MYH3: variants seen among roughly 807,000 people sequenced by gnomAD.
MYH3 encodes myosin heavy chain 3.
MYH3 carries 130 observed loss-of-function variants against 238.0 expected under a neutral mutation model. That is an observed-to-expected ratio of 0.55 (90% confidence interval 0.47 to 0.63). The LOEUF is 0.63. Ranked by LOEUF, MYH3 falls within the 30% of genes least tolerant of loss-of-function variation. The pLI is 0.00. For missense variants in MYH3, 1,853 were observed against 2,374.9 expected (o/e 0.78, Z 4.57); for synonymous variants, 880 against 924.1 (o/e 0.95, Z 0.86).
intron 40 of MYH3, 58 bp from the exon 41 acceptor site, chr17:10,628,737 A>G (rs2074118682): frequency 3.8e-6 from 6 of 1,578,666 alleles, no homozygotes; most frequent in African/African-American, 1.3e-5. Context: ...ATTCCCACCC[A>G]CCACTTCTGC....
the MYH3 span, among the ~76,000 whole-genome samples, chr17:10,663,834 A>G: frequency 9.9e-5 from 15 of 152,106 alleles, no homozygotes; most frequent in Admixed American, 2.6e-4. Context: ...AGGCCGAGAC[A>G]GGTGGATCAC....
chr17:10,648,425 T>C (rs1243073747), intron 8 of MYH3, 132 bp downstream of exon 8: 2 of 809,802 alleles, frequency 2.5e-6, no homozygotes, highest in Non-Finnish European at 4.4e-6. Context: ...TATCTTTATC[T>C]GAAATGGTCT....
At position 10,632,404 on chromosome 17, in the gene MYH3, C is replaced by T. The variant is rs2074171587; in HGVS notation, c.4956+72G>A. Reference sequence around the variant, plus strand: ...AGAGCGCTGGGACTACAGGCGTGCACCACTGTGCCCAGCCTACATTTCTGA... The same window carrying T: ...AGAGCGCTGGGACTACAGGCGTGCATCACTGTGCCCAGCCTACATTTCTGA... On this transcript the variant is annotated intron_variant, in intron 34 of 40. Transcript: ENST00000583535. The T allele has an allele frequency of 8.5e-6, 13 of 1,537,966 alleles. No homozygotes were observed. In the South Asian group the frequency reaches 1.5e-4, roughly 17 times the overall value.
At chr17:10,668,535 AG>A in the MYH3 span, among the ~76,000 whole-genome samples, 1 of 152,222 alleles carries the variant, frequency 6.6e-6, no homozygotes, top group East Asian at 1.9e-4. Context: ...AAAAAAGGAA[AG>A]GAAAAAAAGA....
chr17:10,650,410 G>A lies in MYH3; in HGVS notation c.506-9C>T. ...GGACTGGTTTTCACGATCTGCCAGA[G>A]GAAAAAATAAAATAGAGTTGATGGC... is the stretch of plus-strand genomic sequence containing the variant. On this transcript the variant is annotated splice_polypyrimidine_tract_variant and intron_variant, in intron 5 of 40. Transcript: ENST00000583535. 1.2e-6 allele frequency: 2 copies of A among 1,611,148 alleles called. No individual in the cohort carries two copies. The highest frequency in any genetic ancestry group is 1.1e-5 in the South Asian group (1 of 91,012).
rs747246768 is a variant in MYH3 at position 10,642,338 on chromosome 17, T to C, written c.1889-28A>G. 3.7e-6 allele frequency: 6 copies of C among 1,613,948 alleles called. No homozygotes were observed. The Admixed American group carries it at 6.7e-5, about 18-fold the overall frequency. ...GAAAGCAATAAGGGAGGGCACGTGCTGTAGGTGAATCTAAAAGGTTTTTTG... is the reference window on the plus strand; with the variant it reads ...GAAAGCAATAAGGGAGGGCACGTGCCGTAGGTGAATCTAAAAGGTTTTTTG... On this transcript the variant is annotated intron_variant, in intron 16 of 40. Coordinates refer to ENST00000583535, the MANE Select transcript of MYH3 (RefSeq NM_002470.4). The surrounding 1 kb of genome is among the most constrained non-coding windows in gnomAD (Gnocchi z 5.4).
the MYH3 span, among the ~76,000 whole-genome samples, chr17:10,662,527 T>G: frequency 1.3e-5 from 2 of 152,166 alleles, no homozygotes; most frequent in Non-Finnish European, 2.9e-5. Context: ...CCCTTAAATA[T>G]TCAGTATATA....
At position 10,651,383 on chromosome 17, in the gene MYH3, T is replaced by C. The variant is rs997188277; in HGVS notation, c.505+129A>G. ...ATGATGCAGCCCCTTTCTGCCTCTT[T>C]TGGCTCCTTCTTCCTCCTTTCCCTG... On this transcript the variant is annotated intron_variant, in intron 5 of 40. Transcript: ENST00000583535. The C allele has an allele frequency of 1.7e-5, 26 of 1,535,638 alleles. No homozygotes were observed. In the African/African-American group the frequency reaches 3.3e-4, roughly 19 times the overall value.
Position 10,654,675 on chromosome 17 carries a change from G to A in MYH3, c.204+186C>T, listed in dbSNP as rs2074411423. Among the ~76,000 whole-genome samples the A allele has an allele frequency of 6.6e-6, 1 of 150,764 alleles. No homozygotes were observed. Among genetic ancestry groups the A allele is most frequent in the African/African-American group, 2.5e-5 (1 of 40,124 alleles). On this transcript the variant is annotated intron_variant, in intron 3 of 40. Transcript: ENST00000583535. This position sits in a 1 kb window ranked among gnomAD's most constrained non-coding sequence, Gnocchi z 4.5. ...ACAGCCAGACTCTATTCCCACCCTG[G>A]AACCTGAGGCCAGTATTCACTCTGC...
At position 10,639,136 on chromosome 17, in the gene MYH3, G is replaced by A; in HGVS notation, c.3156C>T (p.Asn1052=). 1 of 1,614,076 alleles carries A rather than the reference G, an allele frequency of 6.2e-7. No individual in the cohort carries two copies. The highest frequency in any genetic ancestry group is 8.5e-7 in the Non-Finnish European group (1 of 1,179,964). ...TCAAGTCTCCTTCCAATTTCCTTTTGTTCCTTTCCAGGTCTACTCGGAGCT... is the reference window on the plus strand; with the variant it reads ...TCAAGTCTCCTTCCAATTTCCTTTTATTCCTTTCCAGGTCTACTCGGAGCT... ...EKKLRVDLER[N]KRKLEGDLKL... Residue 1052 remains asparagine (N), a synonymous_variant, in exon 25 of 41, where the codon AAC becomes AAT. Transcript: ENST00000583535.
rs757688928 is a variant in MYH3, at chr17:10,655,012, C to T, written c.53G>A (p.Arg18Gln). The T allele has an allele frequency of 2.0e-5, 33 of 1,614,048 alleles. No homozygotes were observed. The East Asian group carries it at 2.2e-4, about 11-fold the overall frequency. ...EVFGIAAPFL[R>Q]KSEKERIEAQ... ...CTCGATCCTCTCCTTTTCTGACTTC[C>T]GGAGGAAAGGAGCAGCTATGCCGAA... Residue 18 changes from arginine (R) to glutamine (Q), a missense_variant, in exon 3 of 41, where the codon CGG becomes CAG. Transcript: ENST00000583535.
rs1597480015 is a variant in MYH3, at chr17:10,629,842, A to G, written c.5658T>C (p.Ala1886=). Residue 1886 remains alanine, a splice_region_variant and synonymous_variant, in exon 39 of 41, where the codon GCT becomes GCC. Coordinates refer to ENST00000583535, the MANE Select transcript of MYH3 (RefSeq NM_002470.4). ...CGCAGTCAGCACCTATCTCACTTACAGCCTCCTCCGCCTGCCTCTTGTAGG... is the reference window on the plus strand; with the variant it reads ...CGCAGTCAGCACCTATCTCACTTACGGCCTCCTCCGCCTGCCTCTTGTAGG... ...VKSYKRQAEE[A]DEQANAHLTK... The G allele has an allele frequency of 6.2e-7, 1 of 1,614,044 alleles. No individual in the cohort carries two copies. The highest frequency in any genetic ancestry group is 8.5e-7 in the Non-Finnish European group (1 of 1,180,028).
At chr17:10,656,913 C>T (rs1173136876) in intron 1 of MYH3, among the ~76,000 whole-genome samples, 1 of 152,136 alleles carries the variant, frequency 6.6e-6, no homozygotes, top group Non-Finnish European at 1.5e-5. Context: ...AGTGAGGTCC[C>T]CAGTCCTGTT....
chr17:10,637,708 A>C, intron 28 of MYH3, 101 bp downstream of exon 28: 32 of 1,496,684 alleles, frequency 2.1e-5, no homozygotes, highest in African/African-American at 2.8e-5. Context: ...ATGCTTCCCT[A>C]GAGATTCTCC....
At chr17:10,631,484 G>T in intron 36 of MYH3, 127 bp downstream of exon 36, 1 of 1,392,438 alleles carries the variant, frequency 7.2e-7, no homozygotes, top group Non-Finnish European at 1.0e-6. Context: ...GAGCGGAGAT[G>T]GGAGCCCTCG....
chr17:10,669,043 T>C, the MYH3 span, among the ~76,000 whole-genome samples: 1 of 152,166 alleles, frequency 6.6e-6, no homozygotes, highest in Non-Finnish European at 1.5e-5. Flanking sequence ...GGTGGAATTA[T>C]CCCCACTTGA....
chr17:10,636,635 G>T (rs1350241129), intron 28 of MYH3, among the ~76,000 whole-genome samples: 1 of 152,136 alleles, frequency 6.6e-6, no homozygotes, highest in East Asian at 1.9e-4. Flanking sequence ...GCCACCATAG[G>T]CCGGGTGCGG....
At chr17:10,661,527 G>A (rs1307412993), upstream of MYH3, among the ~76,000 whole-genome samples, 1 of 152,092 alleles carries the variant, frequency 6.6e-6, no homozygotes, top group East Asian at 1.9e-4. Flanking sequence ...CCCACAGCCA[G>A]GGCAGAGCTG....
chr17:10,653,560 C>T (rs1400591585), intron 3 of MYH3, among the ~76,000 whole-genome samples: 2 of 152,164 alleles, frequency 1.3e-5, no homozygotes, highest in African/African-American at 4.8e-5. Context: ...GTTCTGAGCA[C>T]CTGCACTTCT....
Sources: allele counts gnomAD v4.1 joint callset (sites outside exome capture counted in the v4.1 genomes callset), GRCh38; gene constraint gnomAD v4.1.1; non-coding constraint Gnocchi (gnomAD v3.1); transcripts MANE v1.5; gene names NCBI Gene and HGNC (gene_info 2026-07-23, HGNC 2026-07-21).